SCN1A: variants seen among roughly 807,000 people sequenced by gnomAD.
The protein encoded by SCN1A is sodium channel protein type 1 subunit alpha.
SCN1A carries 13 observed loss-of-function variants against 193.7 expected under a neutral mutation model. That is an observed-to-expected ratio of 0.07 (90% CI 0.04 to 0.11). The LOEUF is 0.11. Among genes scored for constraint, SCN1A ranks in the 10% least tolerant of loss-of-function variants. The pLI, the probability that SCN1A is intolerant of heterozygous loss-of-function variation, is 1.00. For missense variants in SCN1A, 1,432 were observed against 2,451.1 expected, an observed-to-expected ratio of 0.58 and a Z score of 8.78; for synonymous variants, 781 against 843.6, an observed-to-expected ratio of 0.93 and a Z score of 1.29.
At chr2:166,041,564 A>T (rs1697197088) in intron 15 of SCN1A, 95 bp from the exon 16 acceptor site, 2 of 896,688 alleles carry the variant, frequency 2.2e-6, no homozygotes, top group Non-Finnish European at 3.5e-6. Flanking sequence ...TCAGTAATCA[A>T]CACATTTTTG....
intron 2 of SCN1A, among the ~76,000 whole-genome samples, chr2:166,123,919 A>G (rs1409893926): frequency 1.3e-5 from 2 of 152,128 alleles, no homozygotes; most frequent in African/African-American, 4.8e-5. Flanking sequence ...GCCACTCTTC[A>G]TACCTGTGAG....
rs528773499 is a variant in SCN1A at position 165,990,103 on chromosome 2, T to C, written c.*1142A>G. 3.9e-5 allele frequency: 6 copies of C among 152,754 alleles called. No homozygotes were observed. The highest frequency in any genetic ancestry group is 2.1e-4 in the South Asian group (1 of 4,832). 9.5% of individuals were successfully genotyped at this position (152,754 alleles called of 1,614,324 possible). On this transcript the variant is annotated 3_prime_UTR_variant, in exon 29 of 29. Transcript: ENST00000674923. ...AGCAGCATGGTAATATAAACATGCA[T>C]TGATAGCATCCAAACTATCTATAAA...
intron 4 of SCN1A, among the ~76,000 whole-genome samples, chr2:166,066,993 T>A (rs918533187): frequency 3.9e-5 from 6 of 152,146 alleles, no homozygotes; most frequent in African/African-American, 1.4e-4. Flanking sequence ...TGATTATATG[T>A]CTTATTCTAT....
chr2:166,073,602 A>G lies in SCN1A; in HGVS notation c.20T>C (p.Val7Ala). 1 of 1,614,220 alleles carries G rather than the reference A, an allele frequency of 6.2e-7. No individual in the cohort carries two copies. The highest frequency in any genetic ancestry group is 1.1e-5 in the South Asian group (1 of 91,088). MEQTVL[V>A]PPGPDSFNFF... The stretch of plus-strand genomic sequence containing the variant: ...GTTGAAGCTGTCAGGTCCTGGTGGT[A>G]CAAGCACTGTTTGCTCCATCTTGTC... Residue 7 changes from valine to alanine, a missense_variant, in exon 4 of 29, where the codon GTA becomes GCA. Physicochemically the swap from Val to Ala is moderately conservative, Grantham distance 64. Coordinates refer to ENST00000674923, the MANE Select transcript of SCN1A (RefSeq NM_001165963.4).
chr2:166,041,840 A>G (rs965906005), intron 15 of SCN1A, among the ~76,000 whole-genome samples: 1 of 152,166 alleles, frequency 6.6e-6, no homozygotes. Context: ...ACCTCAGACT[A>G]TGAGAGCTAG....
intron 19 of SCN1A, among the ~76,000 whole-genome samples, chr2:166,024,650 G>T (rs1694503226): frequency 6.6e-6 from 1 of 151,922 alleles, no homozygotes; most frequent in African/African-American, 2.4e-5. Flanking sequence ...TTTATGACTT[G>T]TCTCTTTTGA....
intron 28 of SCN1A, chr2:165,993,829 A>G (rs557910791): frequency 5.2e-4 from 213 of 408,260 alleles, no homozygotes; most frequent in African/African-American, 3.8e-3. Context: ...TAACAGAACC[A>G]TCTAGATACT....
intron 9 of SCN1A, among the ~76,000 whole-genome samples, chr2:166,049,747 C>T (rs1434364944): frequency 6.6e-6 from 1 of 151,932 alleles, no homozygotes; most frequent in Non-Finnish European, 1.5e-5. Flanking sequence ...CCTGTATATA[C>T]TTGAATTATT....
chr2:166,037,629 CA>C, intron 18 of SCN1A, 146 bp downstream of exon 18: 1 of 759,116 alleles, frequency 1.3e-6, no homozygotes, highest in Non-Finnish European at 2.2e-6. Flanking sequence ...TTCTTTTTGA[CA>C]AAACAGTCAC....
chr2:166,066,895 A>T (rs1683898163), intron 4 of SCN1A, among the ~76,000 whole-genome samples: 1 of 152,174 alleles, frequency 6.6e-6, no homozygotes, highest in Non-Finnish European at 1.5e-5. Flanking sequence ...CAAACTCTTT[A>T]AGATGTACTG....
At chr2:166,014,441 C>T (rs1019163805) in intron 20 of SCN1A, among the ~76,000 whole-genome samples, 7 of 151,280 alleles carry the variant, frequency 4.6e-5, no homozygotes, top group Admixed American at 6.6e-5. Flanking sequence ...TTTTCATTGC[C>T]TTCCTCACAC....
chr2:166,068,696 C>A (rs960986509), intron 4 of SCN1A, among the ~76,000 whole-genome samples: 1 of 152,106 alleles, frequency 6.6e-6, no homozygotes, highest in Non-Finnish European at 1.5e-5. Flanking sequence ...TTTGAAATCA[C>A]AAATTCATAT....
At position 165,988,230 on chromosome 2, in the gene SCN1A, T is replaced by A. The variant is rs1050671684; in HGVS notation, c.*3015A>T. On this transcript the variant is annotated 3_prime_UTR_variant, in exon 29 of 29. Transcript: ENST00000674923. ...TTCCCCCAGTTACTGTTTTTCTTTA[T>A]CTGCAAAAGTTAGCAAGATTAAGAC... is the stretch of plus-strand genomic sequence containing the variant. The A allele has an allele frequency of 6.6e-6, 1 of 152,132 alleles. No homozygotes were observed. Among genetic ancestry groups the A allele is most frequent in the Admixed American group, 6.6e-5 (1 of 15,258 alleles). The allele number at this position is 152,132 out of a possible 1,614,324, so 9.4% of individuals were successfully genotyped here. A position where few individuals can be genotyped will look rare whatever the true frequency, so the allele number is the denominator to read the frequency against.
intron 27 of SCN1A, among the ~76,000 whole-genome samples, chr2:165,995,444 A>G (rs1689896108): frequency 6.6e-6 from 1 of 151,824 alleles, no homozygotes; most frequent in South Asian, 2.1e-4. Context: ...ATTTATCATC[A>G]TAAACTGTAA....
intron 4 of SCN1A, among the ~76,000 whole-genome samples, chr2:166,071,141 A>G (rs946854432): frequency 4.6e-5 from 7 of 152,326 alleles, no homozygotes; most frequent in Admixed American, 4.6e-4. Context: ...GGAACACATC[A>G]GTCTTCACTT....
chr2:166,147,092 G>GT (rs1362090434), intron 1 of SCN1A, among the ~76,000 whole-genome samples: 1 of 50,488 alleles, frequency 2.0e-5, no homozygotes, highest in African/African-American at 2.1e-4. Flanking sequence ...CATCCCTAGA[G>GT]CTTCTGACTC....
chr2:166,103,448 C>T (rs1688346889), intron 2 of SCN1A, among the ~76,000 whole-genome samples: 1 of 128,278 alleles, frequency 7.8e-6, no homozygotes. Context: ...AAGACTCTGT[C>T]TTAAATAAAT....
At position 166,037,967 on chromosome 2, in the gene SCN1A, A is replaced by T; in HGVS notation, c.2755T>A (p.Cys919Ser). 1 of 1,614,192 alleles carries T rather than the reference A, an allele frequency of 6.2e-7. No homozygotes were observed. The highest frequency in any genetic ancestry group is 8.5e-7 in the Non-Finnish European group (1 of 1,180,034). The change falls in exon 18 of 29, where the codon TGT becomes AGT. Residue 919 changes from cysteine (C) to serine (S), a missense_variant. Transcript: ENST00000674923. ...CAATCACTGGCGATCTTGCAGACAC[A>T]ATCTTTGTAGCTTTTACCAAAGAGC... ...MQLFGKSYKD[C>S]VCKIASDCQL...
At chr2:166,065,838 T>C (rs1168391152) in intron 4 of SCN1A, among the ~76,000 whole-genome samples, 1 of 152,194 alleles carries the variant, frequency 6.6e-6, no homozygotes, top group Non-Finnish European at 1.5e-5. Context: ...TGAACTCATA[T>C]TTCAAGAGGA....
Sources: allele counts gnomAD v4.1 joint callset (sites outside exome capture counted in the v4.1 genomes callset), GRCh38; gene constraint gnomAD v4.1.1; transcripts MANE v1.5; gene names NCBI Gene and HGNC (gene_info 2026-07-23, HGNC 2026-07-21).